Variants in UGT1A10 observed in about 807,000 individuals in gnomAD.
UGT1A10 encodes the protein UDP glucuronosyltransferase family 1 member A10, also known as UDP-glucuronosyltransferase 1A10.
Under a neutral mutation model 45.8 loss-of-function variants are expected in UGT1A10, and 49 were observed. The observed-to-expected ratio is 1.07, with a 90% CI of 0.85 to 1.36. The LOEUF (loss-of-function observed/expected upper bound fraction) is 1.36, where lower values mean the gene tolerates loss of function less well. Among genes scored for constraint, UGT1A10 ranks in the 40% most tolerant of loss-of-function variants. The pLI is 0.00. For missense variants in UGT1A10, 745 were observed against 668.6 expected, an observed-to-expected ratio of 1.11 and a Z score of -1.26; for synonymous variants, 284 against 249.7, an observed-to-expected ratio of 1.14 and a Z score of -1.29.
chr2:233,750,363 A>C (rs1694437440), intron 1 of UGT1A10, among the ~76,000 whole-genome samples: 1 of 151,980 alleles, frequency 6.6e-6, no homozygotes, highest in African/African-American at 2.4e-5. Context: ...TATGTTTAAA[A>C]GGGAAGCAGA....
chr2:233,737,293 C>T (rs2078860261), intron 1 of UGT1A10, among the ~76,000 whole-genome samples: 1 of 152,250 alleles, frequency 6.6e-6, no homozygotes, highest in Non-Finnish European at 1.5e-5. Context: ...CAGGCTGCCG[C>T]CTCACAGTTC....
At chr2:233,722,092 G>C (rs2076989612) in intron 1 of UGT1A10, 1 of 213,864 alleles carries the variant, frequency 4.7e-6, no homozygotes, top group African/African-American at 2.3e-5. Context: ...GATCACCTTA[G>C]GCCTCTTAGA....
At chr2:233,685,588 G>T (rs17864689) in intron 1 of UGT1A10, among the ~76,000 whole-genome samples, 5,777 of 152,230 alleles carry the variant, frequency 0.038, 136 homozygotes, top group Non-Finnish European at 0.059. Flanking sequence ...CAAGCCCAAG[G>T]CCTCCCTCCA....
At chr2:233,714,225 G>T (rs1207260034) in intron 1 of UGT1A10, among the ~76,000 whole-genome samples, 1 of 152,186 alleles carries the variant, frequency 6.6e-6, no homozygotes, top group Non-Finnish European at 1.5e-5. Flanking sequence ...TTGCTGGCAA[G>T]ATTTTCAGTA....
intron 1 of UGT1A10, among the ~76,000 whole-genome samples, chr2:233,759,343 G>T (rs548174363): frequency 1.3e-5 from 2 of 152,096 alleles, no homozygotes; most frequent in Non-Finnish European, 1.5e-5. Context: ...TCAGGTGAGC[G>T]CTGAAAATCT....
chr2:233,716,724 T>C (rs908314091), intron 1 of UGT1A10, among the ~76,000 whole-genome samples: 3 of 152,214 alleles, frequency 2.0e-5, no homozygotes, highest in African/African-American at 7.2e-5. Flanking sequence ...TTCCAGTTTA[T>C]ATGTTTAGCT....
In UGT1A10 at chr2:233,712,940, C is replaced by T. The variant is rs367897859; in HGVS notation, c.856-54094C>T. 1.2e-4 allele frequency: 197 copies of T among 1,612,272 alleles called. 1 individual carries two copies. Among genetic ancestry groups the T allele is most frequent in the Admixed American group, 2.3e-4 (14 of 59,994 alleles). ...GGTAATTAAGACGAAGGAAACAATTCTAGGAGGCACAACGTGGGGTGGACA... is the reference window on the plus strand; with the variant it reads ...GGTAATTAAGACGAAGGAAACAATTTTAGGAGGCACAACGTGGGGTGGACA... On this transcript the variant is annotated intron_variant, in intron 1 of 4. Transcript: ENST00000344644.
At chr2:233,719,592 C>T (rs201293328) in intron 1 of UGT1A10, 161 of 1,613,882 alleles carry the variant, frequency 1.0e-4, no homozygotes, top group Non-Finnish European at 1.2e-4. Flanking sequence ...GTGGCTGTTC[C>T]GAGGGGACTT....
intron 1 of UGT1A10, among the ~76,000 whole-genome samples, chr2:233,757,561 T>C (rs1218840720): frequency 8.3e-6 from 1 of 121,180 alleles, no homozygotes; most frequent in Non-Finnish European, 1.7e-5. Context: ...TATATATATA[T>C]GTATATATGA....
At position 233,768,309 on chromosome 2, in the gene UGT1A10, C is replaced by T. The variant is rs1286993592; in HGVS notation, c.1165C>T (p.Pro389Ser). 15 of 1,614,122 alleles carry T rather than the reference C, an allele frequency of 9.3e-6. No homozygotes were observed. The highest frequency in any genetic ancestry group is 1.3e-5 in the Non-Finnish European group (15 of 1,180,034). Reference protein sequence around the residue: ...ICNGVPMVMMPLFGDQMDNAK... With the variant: ...ICNGVPMVMMSLFGDQMDNAK... ...CAATGGCGTTCCCATGGTGATGATG[C>T]CCTTGTTTGGTGATCAGATGGACAA... Residue 389 changes from proline to serine, a missense_variant, in exon 4 of 5, where the codon CCC becomes TCC. Physicochemically the swap from Pro to Ser is moderately conservative, Grantham distance 74 (BLOSUM62 -1). Coordinates refer to ENST00000344644, the MANE Select transcript of UGT1A10 (RefSeq NM_019075.4).
rs547148364 is a variant in UGT1A10 at position 233,757,849 on chromosome 2, T to G, written c.856-9185T>G. 5.3e-5 allele frequency among the ~76,000 whole-genome samples: 8 copies of G among 152,118 alleles called. No individual in the cohort carries two copies. The East Asian group carries it at 1.5e-3, about 29-fold the overall frequency. On this transcript the variant is annotated intron_variant, in intron 1 of 4. Coordinates refer to ENST00000344644, the MANE Select transcript of UGT1A10 (RefSeq NM_019075.4). The stretch of plus-strand genomic sequence containing the variant: ...TGATGGTGGCCTACTAACTTATGTC[T>G]TCAGCTTAAAAAGAAAGTAGCTTCA...
intron 1 of UGT1A10, among the ~76,000 whole-genome samples, chr2:233,700,694 C>T (rs1168868240): frequency 6.6e-6 from 1 of 151,780 alleles, no homozygotes; most frequent in African/African-American, 2.4e-5. Context: ...ATATAAACTA[C>T]ACTTTGAATG....
intron 1 of UGT1A10, among the ~76,000 whole-genome samples, chr2:233,646,940 T>A (rs1045210095): frequency 1.3e-5 from 2 of 152,224 alleles, no homozygotes; most frequent in Non-Finnish European, 2.9e-5. Flanking sequence ...GATAAAGACA[T>A]GCCTGAGACT....
chr2:233,757,312 G>T (rs1288195448), intron 1 of UGT1A10, among the ~76,000 whole-genome samples: 1 of 141,202 alleles, frequency 7.1e-6, no homozygotes, highest in Non-Finnish European at 1.5e-5. Flanking sequence ...GGACAGGGGG[G>T]CTGGGGCCCT....
intron 1 of UGT1A10, among the ~76,000 whole-genome samples, chr2:233,661,050 C>G (rs1041679106): frequency 1.3e-5 from 2 of 151,978 alleles, no homozygotes; most frequent in South Asian, 2.1e-4. Context: ...TTTCTTATAA[C>G]CATCCTACAC....
intron 1 of UGT1A10, chr2:233,682,428 C>T (rs2074578708): frequency 1.2e-6 from 2 of 1,613,738 alleles, no homozygotes; most frequent in African/African-American, 1.3e-5. Context: ...TTCTCCCTCC[C>T]CTCTGTGGTC....
chr2:233,758,651 G>A (rs1039863868), intron 1 of UGT1A10, among the ~76,000 whole-genome samples: 3 of 151,900 alleles, frequency 2.0e-5, no homozygotes, highest in African/African-American at 7.3e-5. Context: ...AGAATGAGAG[G>A]GTACCCTAAT....
At chr2:233,757,535 A>AATATATATACATATACATACATATAT (rs376887521) in intron 1 of UGT1A10, among the ~76,000 whole-genome samples, 2 of 88,310 alleles carry the variant, frequency 2.3e-5, no homozygotes, top group African/African-American at 1.0e-4. Flanking sequence ...GCCTGTAAGG[A>AATATATATACATATACATACATATAT]ATATATATAT....
At chr2:233,688,441 C>G (rs10168416) in intron 1 of UGT1A10, among the ~76,000 whole-genome samples, 45,384 of 152,094 alleles carry the variant, frequency 0.3, 7,124 homozygotes, top group South Asian at 0.4. Flanking sequence ...CTGACTGCCT[C>G]CCTGTGTTGA....
Sources: allele counts gnomAD v4.1 joint callset (sites outside exome capture counted in the v4.1 genomes callset), GRCh38; gene constraint gnomAD v4.1.1; transcripts MANE v1.5; gene names NCBI Gene and HGNC (gene_info 2026-07-23, HGNC 2026-07-21).